Variants in TTN observed in about 807,000 individuals in gnomAD.
The protein encoded by TTN is titin, also known as connectin.
A neutral mutation model predicts 3,223.0 loss-of-function variants in TTN; 1,525 were observed. The ratio of observed to expected loss-of-function variants is 0.47; its 90% CI spans 0.45 to 0.49. The LOEUF is 0.49. Among genes scored for constraint, TTN ranks in the 20% least tolerant of loss-of-function variants. The pLI is 0.00. For missense variants in TTN, 40,786 were observed against 43,424.0 expected (o/e 0.94, Z 5.40); for synonymous variants, 14,094 against 15,161.0 (o/e 0.93, Z 5.17).
At position 178,581,080 on chromosome 2, in the gene TTN, T is replaced by C. The variant is rs116406242; in HGVS notation, c.66769+419A>G. Among the ~76,000 whole-genome samples the C allele has an allele frequency of 4.5e-3, 681 of 151,882 alleles. 4 individuals are homozygous for C. The highest frequency in any genetic ancestry group is 0.016 in the African/African-American group (651 of 41,450). On this transcript the variant is annotated intron_variant, in intron 316 of 362. Coordinates refer to ENST00000589042, the MANE Select transcript of TTN (RefSeq NM_001267550.2). ...GAAATTATCATGGAGGATAAGCAAA[T>C]AGAAGAAATAAGAAGAAGGGAAATT...
intron 113 of TTN, 107 bp from the exon 114 acceptor site, chr2:178,696,376 AT>A (rs2073716948): frequency 2.0e-6 from 2 of 985,704 alleles, no homozygotes; most frequent in Admixed American, 6.9e-5. Context: ...GATCTATTTT[AT>A]TGATAATTTG....
chr2:178,799,635 T>C lies in TTN; in HGVS notation c.766A>G (p.Arg256Gly). 1 of 1,614,104 alleles carries C rather than the reference T, an allele frequency of 6.2e-7. No individual in the cohort carries two copies. The highest frequency in any genetic ancestry group is 8.5e-7 in the Non-Finnish European group (1 of 1,180,004). The change falls in exon 6 of 363, where the codon AGG (arginine) becomes GGG (glycine). Residue 256 changes from arginine (R) to glycine (G), a missense_variant. Transcript: ENST00000589042. ...CTTGACTTTGGCTTCGGAGGAATCC[T>C]GGGAGGTGTTTTATGTGGCAGCTGT... is the stretch of plus-strand genomic sequence containing the variant. ...GQQLPHKTPP[R>G]IPPKPKSRSP...
At chr2:178,684,808 C>T in intron 130 of TTN, 59 bp from the exon 131 acceptor site, 1 of 1,566,550 alleles carries the variant, frequency 6.4e-7, no homozygotes, top group Non-Finnish European at 8.7e-7. Context: ...TAAACACAGG[C>T]ACACTTATTT....
rs1206637127 is a variant in TTN at position 178,577,226 on chromosome 2, C to T, written c.69109G>A (p.Val23037Ile). Reference protein sequence around the residue: ...GTKVEHVKVTVLDVPGPPGPV... With the variant: ...GTKVEHVKVTILDVPGPPGPV... Reference sequence around the variant, plus strand: ...CCTGGGGGACCAGGTACATCAAGGACTGTTACCTTCACATGTTCCACCTTC... The same window carrying T: ...CCTGGGGGACCAGGTACATCAAGGATTGTTACCTTCACATGTTCCACCTTC... Residue 23037 changes from valine (V) to isoleucine (I), a missense_variant, in exon 324 of 363, where the codon GTC (valine) becomes ATC (isoleucine). Physicochemically the swap from Val to Ile is conservative, Grantham distance 29. Coordinates refer to ENST00000589042, the MANE Select transcript of TTN (RefSeq NM_001267550.2). The T allele has an allele frequency of 3.1e-6, 5 of 1,612,942 alleles. No individual in the cohort carries two copies. The highest frequency in any genetic ancestry group is 4.2e-6 in the Non-Finnish European group (5 of 1,179,494).
At position 178,573,953 on chromosome 2, in the gene TTN, G is replaced by A; in HGVS notation, c.72179C>T (p.Thr24060Ile). The A allele has an allele frequency of 6.2e-7, 1 of 1,613,302 alleles. No homozygotes were observed. The highest frequency in any genetic ancestry group is 1.7e-4 in the Middle Eastern group (1 of 6,056). Residue 24060 changes from threonine to isoleucine, a missense_variant, in exon 326 of 363, where the codon ACA (threonine) becomes ATA (isoleucine). By Grantham distance (89) the Thr-to-Ile change is moderately conservative. Coordinates refer to ENST00000589042, the MANE Select transcript of TTN (RefSeq NM_001267550.2). ...EADVSGRPPP[T>I]MEWSKDGKEL... ...TTTTCCATCTTTGCTCCATTCCATT[G>A]TTGGAGGTGGGCGGCCTGAAACATC...
Position 178,723,295 on chromosome 2 carries a change from C to T in TTN, c.21712G>A (p.Asp7238Asn), listed in dbSNP as rs747881141. The T allele has an allele frequency of 6.2e-6, 10 of 1,612,508 alleles. No homozygotes were observed. Among genetic ancestry groups the T allele is most frequent in the African/African-American group, 4.0e-5 (3 of 74,788 alleles). Residue 7238 changes from aspartate (D) to asparagine (N), a missense_variant, in exon 75 of 363, where the codon GAT becomes AAT. Physicochemically the swap from Asp to Asn is conservative, Grantham distance 23 (BLOSUM62 1). Coordinates refer to ENST00000589042, the MANE Select transcript of TTN (RefSeq NM_001267550.2). ...EPAAFLKRLS[D>N]HSVEPGKSII... ...GACTTCCCTGGTTCTACAGAATGAT[C>T]ACTTAATCTCTTCAAAAATGCAGCT...
In TTN at chr2:178,756,292, T is replaced by TC. The variant is rs778172350; in HGVS notation, c.11183dup (p.Leu3729ThrfsTer9). 490 of 1,613,856 alleles carry TC rather than the reference T, an allele frequency of 3.0e-4. No homozygotes were observed. The highest frequency in any genetic ancestry group is 4.0e-4 in the Non-Finnish European group (471 of 1,179,746). ...CATTGTGTACAATGCAGCTGTATAGTCCTTGGTCTACCAGCTGAACATTAC... is the reference window on the plus strand; with the variant it reads ...CATTGTGTACAATGCAGCTGTATAGTCCCTTGGTCTACCAGCTGAACATTAC... On this transcript the variant is annotated frameshift_variant, in exon 46 of 363. Coordinates refer to ENST00000589042, the MANE Select transcript of TTN (RefSeq NM_001267550.2). LOFTEE classifies it high-confidence loss of function.
At position 178,587,700 on chromosome 2, in the gene TTN, G is replaced by T. The variant is rs774991215; in HGVS notation, c.63609C>A (p.Ala21203=). 2.5e-6 allele frequency: 4 copies of T among 1,612,738 alleles called. No individual in the cohort carries two copies. Among genetic ancestry groups the T allele is most frequent in the East Asian group, 2.2e-5 (1 of 44,642 alleles). The change falls in exon 306 of 363, where the codon GCC becomes GCA. Residue 21203 remains alanine, a synonymous_variant. Transcript: ENST00000589042. ...CAACTTTTCGCCAAGTGACTTTAGGGGCTGGTCGTCCTCTCACTATAGCAA... is the reference window on the plus strand; with the variant it reads ...CAACTTTTCGCCAAGTGACTTTAGGTGCTGGTCGTCCTCTCACTATAGCAA... ...RLFAIVRGRP[A]PKVTWRKVGI...
chr2:178,706,548 C>G lies in TTN; in HGVS notation c.29326G>C (p.Glu9776Gln). 6.2e-7 allele frequency: 1 copy of G among 1,613,798 alleles called. No homozygotes were observed. Among genetic ancestry groups the G allele is most frequent in the Non-Finnish European group, 8.5e-7 (1 of 1,179,782 alleles). The change falls in exon 102 of 363, where the codon GAA becomes CAA. Residue 9776 changes from glutamate to glutamine, a missense_variant. By Grantham distance (29) the Glu-to-Gln change is conservative. Transcript: ENST00000589042. ...SGLYRCVAFN[E>Q]HGEIESNVNL... is the part of the protein sequence containing the mutation. Reference sequence around the variant, plus strand: ...ACATTACTTTCAATTTCACCATGTTCGTTAAATGCCACGCATCGGTATAAC... The same window carrying G: ...ACATTACTTTCAATTTCACCATGTTGGTTAAATGCCACGCATCGGTATAAC...
At position 178,560,741 on chromosome 2, in the gene TTN, G is replaced by T. The variant is rs1234280926; in HGVS notation, c.85391C>A (p.Thr28464Asn). The T allele has an allele frequency of 3.7e-6, 6 of 1,613,666 alleles. No homozygotes were observed. In the African/African-American group the frequency reaches 6.7e-5, roughly 18 times the overall value. ...CCAGGAAAGAGAGCATTTCTCAGCA[G>T]TGAGGCCATTTATTTCAAGTGGTCC... ...PAGPLEINGL[T>N]AEKCSLSWGR... Residue 28464 changes from threonine (T) to asparagine (N), a missense_variant, in exon 326 of 363, where the codon ACT becomes AAT. Transcript: ENST00000589042.
In TTN at chr2:178,531,390, A is replaced by C. The variant is rs769757318; in HGVS notation, c.105225T>G (p.Ala35075=). Residue 35075 remains alanine (A), a synonymous_variant, in exon 358 of 363, where the codon GCT becomes GCG. Transcript: ENST00000589042. ...ATTTCACTTCCCTGACAGAAGACGA[A>C]GCTTCCATCTCAGATGTTTTCTTAA... ...SSFKKTSEME[A]SSSVREVKSQ... 8 of 1,614,036 alleles carry C rather than the reference A, an allele frequency of 5.0e-6. No individual in the cohort carries two copies. In the Admixed American group the frequency reaches 1.3e-4, roughly 27 times the overall value.
In TTN at chr2:178,651,880, G is replaced by A; in HGVS notation, c.39379+4C>T. 5.0e-6 allele frequency: 8 copies of A among 1,605,670 alleles called. No individual in the cohort carries two copies. The highest frequency in any genetic ancestry group is 6.8e-6 in the Non-Finnish European group (8 of 1,176,248). ...GGTGTCCTAGCAGCTTTCTTGCCAT[G>A]TACCTTGTGGAGGCGCCGCTGGCTC... On this transcript the variant is annotated splice_donor_region_variant and intron_variant, in intron 205 of 362. Coordinates refer to ENST00000589042, the MANE Select transcript of TTN (RefSeq NM_001267550.2).
intron 69 of TTN, 46 bp downstream of exon 69, chr2:178,727,044 G>A: frequency 7.1e-7 from 1 of 1,408,688 alleles, no homozygotes; most frequent in Non-Finnish European, 9.3e-7. Context: ...ACCCAGGGGA[G>A]AAGGTGGTTT....
chr2:178,796,102 T>C (rs781193860), intron 6 of TTN, among the ~76,000 whole-genome samples: 6 of 152,226 alleles, frequency 3.9e-5, no homozygotes, highest in Non-Finnish European at 7.3e-5. Context: ...GCAAGTAGCA[T>C]CAGTTGAAGA....
At position 178,566,751 on chromosome 2, in the gene TTN, C is replaced by T; in HGVS notation, c.79381G>A (p.Val26461Ile). The T allele has an allele frequency of 6.2e-7, 1 of 1,613,384 alleles. No homozygotes were observed. Among genetic ancestry groups the T allele is most frequent in the Non-Finnish European group, 8.5e-7 (1 of 1,179,674 alleles). The change falls in exon 326 of 363, where the codon GTC becomes ATC. Residue 26461 changes from valine (V) to isoleucine (I), a missense_variant. Physicochemically the swap from Val to Ile is conservative, Grantham distance 29 (BLOSUM62 3). Transcript: ENST00000589042. ...ACTCCAGCAGCATTTTCTGCAGAGA[C>T]CCTGAATTCATACTCATGATCTTCT... The part of the protein sequence containing the change: ...LTEDHEYEFR[V>I]SAENAAGVGE...
At position 178,614,597 on chromosome 2, in the gene TTN, G is replaced by A. The variant is rs2056961264; in HGVS notation, c.48917C>T (p.Thr16306Ile). The stretch of plus-strand genomic sequence containing the variant: ...GGATTTCTTAGGGACATTTTCAATG[G>A]TAATTCTTTTGTCCTGCTTCAGAAT... Reference protein sequence around the residue: ...DMILKQDKRITIENVPKKSTV... With the variant: ...DMILKQDKRIIIENVPKKSTV... The change falls in exon 261 of 363, where the codon ACC (threonine) becomes ATC (isoleucine). Residue 16306 changes from threonine to isoleucine, a missense_variant. Physicochemically the swap from Thr to Ile is moderately conservative, Grantham distance 89 (BLOSUM62 -1). Coordinates refer to ENST00000589042, the MANE Select transcript of TTN (RefSeq NM_001267550.2). 1 of 1,612,156 alleles carries A rather than the reference G, an allele frequency of 6.2e-7. No individual in the cohort carries two copies. The highest frequency in any genetic ancestry group is 1.1e-5 in the South Asian group (1 of 91,010).
chr2:178,678,476 G>T lies in TTN; in HGVS notation c.33848C>A (p.Pro11283His). ...AACTGGCACCTTCTTCTCAGGCACA[G>T]GCTTCTTGGGTACCTCTGGCACTTT... The part of the protein sequence containing the change: ...PAKVPEVPKK[P>H]VPEKKVPVPA... Residue 11283 changes from proline to histidine, a missense_variant, in exon 144 of 363, where the codon CCT (proline) becomes CAT (histidine). By Grantham distance (77) the Pro-to-His change is moderately conservative. Transcript: ENST00000589042. The T allele has an allele frequency of 6.3e-7, 1 of 1,590,798 alleles. No homozygotes were observed. The highest frequency in any genetic ancestry group is 2.3e-5 in the East Asian group (1 of 44,090).
At position 178,731,404 on chromosome 2, in the gene TTN, A is replaced by G. The variant is rs1484048025; in HGVS notation, c.17362T>C (p.Tyr5788His). 6.2e-7 allele frequency: 1 copy of G among 1,613,826 alleles called. No homozygotes were observed. Among genetic ancestry groups the G allele is most frequent in the South Asian group, 1.1e-5 (1 of 91,078 alleles). ...TGCTTGACTTCAATGCCACTGAGGT[A>G]CAAACTGGCCACATTGTTCTCAAAG... ...MTFENNVASL[Y>H]LSGIEVKHDG... The change falls in exon 59 of 363, where the codon TAC (tyrosine) becomes CAC (histidine). Residue 5788 changes from tyrosine (Y) to histidine (H), a missense_variant. By Grantham distance (83) the Tyr-to-His change is moderately conservative (BLOSUM62 2). Transcript: ENST00000589042.
At position 178,730,594 on chromosome 2, in the gene TTN, T is replaced by G; in HGVS notation, c.17939A>C (p.Gln5980Pro). The G allele has an allele frequency of 6.2e-7, 1 of 1,613,686 alleles. No individual in the cohort carries two copies. Among genetic ancestry groups the G allele is most frequent in the Non-Finnish European group, 8.5e-7 (1 of 1,179,670 alleles). Residue 5980 changes from glutamine to proline, a missense_variant, in exon 61 of 363, where the codon CAG (glutamine) becomes CCG (proline). Coordinates refer to ENST00000589042, the MANE Select transcript of TTN (RefSeq NM_001267550.2). The stretch of plus-strand genomic sequence containing the variant: ...TGTCCCACTGTCTGTACCTTCCAGC[T>G]GGCTGATTTCCAAGAAGGCAGTATT... ...HDNTAFLEIS[Q>P]LEGTDSGTYT...
Sources: gnomAD v4.1 joint callset for allele counts (sites outside exome capture counted in the v4.1 genomes callset) on GRCh38, gnomAD v4.1.1 for gene constraint, MANE v1.5 for transcripts, NCBI Gene and HGNC (gene_info 2026-07-23, HGNC 2026-07-21) for gene names.